SLC5A1: variants seen among roughly 807,000 people sequenced by gnomAD.
SLC5A1 encodes sodium/glucose cotransporter 1.
Under a neutral mutation model 73.5 loss-of-function variants are expected in SLC5A1, and 42 were observed. The ratio of observed to expected loss-of-function variants is 0.57; its 90% CI spans 0.45 to 0.74. SLC5A1 has a LOEUF of 0.74. SLC5A1 is among the 30% of genes least tolerant of loss of function. SLC5A1 has a pLI of 0.00. For missense variants in SLC5A1, 634 were observed against 855.4 expected (o/e 0.74, Z 3.23); for synonymous variants, 300 against 317.4 (o/e 0.95, Z 0.58).
rs1008921101 is a variant in SLC5A1, at chr22:32,106,123, T to G, written c.1771+1232T>G. Among the ~76,000 whole-genome samples the G allele has an allele frequency of 1.1e-4, 17 of 152,332 alleles. No homozygotes were observed. In the East Asian group the frequency reaches 3.3e-3, roughly 29 times the overall value. On this transcript the variant is annotated intron_variant, in intron 14 of 14. Transcript: ENST00000266088. ...ACCCAGCAGTGGGATTACTGAATTA[T>G]ATGGTAGCTGTCTTTTTAGTTTTTT...
At chr22:32,050,097 G>C (rs1293350409) in intron 2 of SLC5A1, 83 bp downstream of exon 2, 12 of 1,244,406 alleles carry the variant, frequency 9.6e-6, no homozygotes, top group Non-Finnish European at 1.4e-5. Context: ...GGCTTTGGGT[G>C]GTGGTGATTC....
chr22:32,053,492 G>A (rs1395007513), intron 2 of SLC5A1, among the ~76,000 whole-genome samples: 1 of 151,402 alleles, frequency 6.6e-6, no homozygotes, highest in African/African-American at 2.4e-5. Context: ...CCTCTAAGTA[G>A]CTTCTCTGAT....
At chr22:32,066,183 T>C (rs181778844) in intron 2 of SLC5A1, among the ~76,000 whole-genome samples, 3 of 152,324 alleles carry the variant, frequency 2.0e-5, no homozygotes, top group East Asian at 3.9e-4. Flanking sequence ...TCTTCCACTC[T>C]TGGGTATTTG....
intron 1 of SLC5A1, among the ~76,000 whole-genome samples, chr22:32,045,993 G>A (rs2093936666): frequency 6.6e-6 from 1 of 152,162 alleles, no homozygotes; most frequent in Non-Finnish European, 1.5e-5. Flanking sequence ...TAGAGACCCT[G>A]TATATTCCAC....
chr22:32,092,365 T>A (rs2149494460), intron 11 of SLC5A1, among the ~76,000 whole-genome samples: 1 of 152,372 alleles, frequency 6.6e-6, no homozygotes, highest in East Asian at 1.9e-4. Context: ...GGGCATTTGG[T>A]CTGGTTCCAT....
At position 32,091,631 on chromosome 22, in the gene SLC5A1, A is replaced by G. The variant is rs781091733; in HGVS notation, c.1149A>G (p.Leu383=). The G allele has an allele frequency of 2.5e-6, 4 of 1,614,014 alleles. No individual in the cohort carries two copies. In the African/African-American group the frequency reaches 4.0e-5, roughly 16 times the overall value. ...TTCCAGGACTGCGAGGCCTGATGCT[A>G]TCAGTCATGCTGGCCTCCCTCATGA... The part of the protein sequence containing the change: ...LMPNGLRGLM[L]SVMLASLMSS... The change falls in exon 11 of 15, where the codon CTA becomes CTG. Residue 383 remains leucine (L), a synonymous_variant. Coordinates refer to ENST00000266088, the MANE Select transcript of SLC5A1 (RefSeq NM_000343.4).
At chr22:32,050,115 C>A in intron 2 of SLC5A1, 101 bp downstream of exon 2, 1 of 1,034,876 alleles carries the variant, frequency 9.7e-7, no homozygotes, top group Non-Finnish European at 1.5e-6. Flanking sequence ...TTCTAGGATT[C>A]AAGGATCCCA....
chr22:32,056,847 ACT>A (rs1374492030), intron 2 of SLC5A1, among the ~76,000 whole-genome samples: 2 of 152,188 alleles, frequency 1.3e-5, no homozygotes, highest in Non-Finnish European at 1.5e-5. Context: ...GAAAACGATG[ACT>A]CTGTTTCTTT....
intron 1 of SLC5A1, among the ~76,000 whole-genome samples, chr22:32,048,205 C>T (rs1005215504): frequency 5.3e-5 from 8 of 150,758 alleles, no homozygotes; most frequent in Admixed American, 1.3e-4. Context: ...TCACTATCAG[C>T]TACTAACATT....
chr22:32,111,548 G>A lies in SLC5A1; in HGVS notation c.*1335G>A, dbSNP rs1446664626. 1 of 152,208 alleles carries A rather than the reference G, an allele frequency of 6.6e-6. No homozygotes were observed. The highest frequency in any genetic ancestry group is 1.5e-5 in the Non-Finnish European group (1 of 68,060). The allele number at this position is 152,208 out of a possible 1,614,324, so 9.4% of individuals were successfully genotyped here. On this transcript the variant is annotated 3_prime_UTR_variant, in exon 15 of 15. Coordinates refer to ENST00000266088, the MANE Select transcript of SLC5A1 (RefSeq NM_000343.4). ...GCATTTTGGAGATTTCCAAGCCAGA[G>A]TCTCCCGTGAAAAAGGTAAACGGAA...
intron 11 of SLC5A1, among the ~76,000 whole-genome samples, chr22:32,095,403 TTC>T (rs1209865933): frequency 6.6e-6 from 1 of 152,216 alleles, no homozygotes; most frequent in African/African-American, 2.4e-5. Context: ...TTTGTTGACT[TTC>T]TGTCTTGATG....
chr22:32,085,147 ACT>A, intron 9 of SLC5A1, 112 bp downstream of exon 9: 1 of 1,279,424 alleles, frequency 7.8e-7, no homozygotes, highest in South Asian at 1.2e-5. Flanking sequence ...ACCAGGTCTC[ACT>A]CTGTCACCCA....
Position 32,102,002 on chromosome 22 carries a change from C to T in SLC5A1, c.1450-20C>T. Reference sequence around the variant, plus strand: ...GTTTTGTGTGTTCAGCATGAGTTAACCCAGGGTTTTCTTTCACAGGGAGCC... The same window carrying T: ...GTTTTGTGTGTTCAGCATGAGTTAATCCAGGGTTTTCTTTCACAGGGAGCC... On this transcript the variant is annotated intron_variant, in intron 12 of 14. Transcript: ENST00000266088. 2 of 1,590,512 alleles carry T rather than the reference C, an allele frequency of 1.3e-6. No homozygotes were observed. Among genetic ancestry groups the T allele is most frequent in the Non-Finnish European group, 1.7e-6 (2 of 1,158,454 alleles).
intron 5 of SLC5A1, among the ~76,000 whole-genome samples, chr22:32,077,927 A>G (rs1396587017): frequency 1.3e-5 from 2 of 152,218 alleles, no homozygotes; most frequent in Non-Finnish European, 2.9e-5. Flanking sequence ...TAACATTGGC[A>G]TTTAAAAATC....
chr22:32,100,767 T>A (rs1001406656), intron 12 of SLC5A1, among the ~76,000 whole-genome samples: 1 of 152,166 alleles, frequency 6.6e-6, no homozygotes, highest in Non-Finnish European at 1.5e-5. Context: ...GGGAACATAT[T>A]TTTTTCTTTT....
At position 32,067,644 on chromosome 22, in the gene SLC5A1, AATT is replaced by A. The variant is rs879302687; in HGVS notation, c.313-313_313-311del. ...AGTCGTCATAATAAATGTAATTATTAATTATTATTATTGTTATTATTAAAGCTC... is the reference window on the plus strand; with the variant it reads ...AGTCGTCATAATAAATGTAATTATTAATTATTATTGTTATTATTAAAGCTC... On this transcript the variant is annotated intron_variant, in intron 3 of 14. Coordinates refer to ENST00000266088, the MANE Select transcript of SLC5A1 (RefSeq NM_000343.4). Among the ~76,000 whole-genome samples, 379 of 152,156 alleles carry A rather than the reference AATT, an allele frequency of 2.5e-3. 2 individuals carry two copies. The highest frequency in any genetic ancestry group is 4.0e-3 in the Non-Finnish European group (270 of 68,020).
intron 2 of SLC5A1, among the ~76,000 whole-genome samples, chr22:32,062,219 T>C (rs28619247): frequency 6.6e-6 from 1 of 152,158 alleles, no homozygotes; most frequent in Non-Finnish European, 1.5e-5. Flanking sequence ...GACCATCACT[T>C]GGGAGGTGTT....
chr22:32,110,822 G>T lies in SLC5A1; in HGVS notation c.*609G>T, dbSNP rs981412592. 6.4e-6 allele frequency: 1 copy of T among 156,480 alleles called. No individual in the cohort carries two copies. Among genetic ancestry groups the T allele is most frequent in the Admixed American group, 6.1e-5 (1 of 16,396 alleles). 9.7% of individuals were successfully genotyped at this position (156,480 alleles called of 1,614,324 possible). ...AGGAAGGTAGTACTTCCACAAAAGGGAGGGACCCGGGCCCCAGCCTCAAGC... is the reference window on the plus strand; with the variant it reads ...AGGAAGGTAGTACTTCCACAAAAGGTAGGGACCCGGGCCCCAGCCTCAAGC... On this transcript the variant is annotated 3_prime_UTR_variant, in exon 15 of 15. Transcript: ENST00000266088.
chr22:32,048,103 G>GACTGCACT, intron 1 of SLC5A1, among the ~76,000 whole-genome samples: 1 of 146,822 alleles, frequency 6.8e-6, no homozygotes, highest in East Asian at 2.0e-4. Flanking sequence ...AGTGAGCTGA[G>GACTGCACT]ACTGCACTAC....
Sources: allele counts gnomAD v4.1 joint callset (sites outside exome capture counted in the v4.1 genomes callset), GRCh38; gene constraint gnomAD v4.1.1; transcripts MANE v1.5; gene names NCBI Gene and HGNC (gene_info 2026-07-23, HGNC 2026-07-21).